The following CTNND2 variants were observed in gnomAD, a reference collection of about 807,000 sequenced individuals.
CTNND2 encodes the protein catenin delta-2.
Under a neutral mutation model 144.4 loss-of-function variants are expected in CTNND2, and 22 were observed. That is an observed-to-expected ratio of 0.15 (90% confidence interval 0.11 to 0.22). CTNND2 has a LOEUF of 0.22. Ranked by LOEUF, CTNND2 falls within the 10% of genes least tolerant of loss-of-function variation. The pLI is 1.00. For missense variants in CTNND2, 1,353 were observed against 1,618.8 expected, an observed-to-expected ratio of 0.84 and a Z score of 2.82; for synonymous variants, 751 against 695.6, an observed-to-expected ratio of 1.08 and a Z score of -1.25.
intron 7 of CTNND2, among the ~76,000 whole-genome samples, chr5:11,373,150 C>G (rs148103153): frequency 6.6e-6 from 1 of 152,222 alleles, no homozygotes; most frequent in Non-Finnish European, 1.5e-5. Context: ...TACAGTTGTC[C>G]GGGCCCCACA....
At chr5:11,505,037 C>T (rs1348760163) in intron 3 of CTNND2, among the ~76,000 whole-genome samples, 1 of 152,092 alleles carries the variant, frequency 6.6e-6, no homozygotes, top group Admixed American at 6.5e-5. Flanking sequence ...AATCTCCTGC[C>T]TGGAGGCTGC....
At chr5:11,164,580 C>T (rs1759112999) in intron 11 of CTNND2, among the ~76,000 whole-genome samples, 1 of 152,144 alleles carries the variant, frequency 6.6e-6, no homozygotes, top group South Asian at 2.1e-4. Flanking sequence ...TAGCTCTAGT[C>T]ACTGTGCTCC....
chr5:11,127,208 G>A (rs1043816670), intron 12 of CTNND2, among the ~76,000 whole-genome samples: 3 of 152,232 alleles, frequency 2.0e-5, no homozygotes, highest in African/African-American at 7.2e-5. Context: ...GGTGGACCAA[G>A]GGCAAATCTT....
At chr5:11,272,884 CA>C (rs2149980488) in intron 9 of CTNND2, among the ~76,000 whole-genome samples, 1 of 152,180 alleles carries the variant, frequency 6.6e-6, no homozygotes, top group South Asian at 2.1e-4. Context: ...GCCCATGGGA[CA>C]AATCTGGACC....
At chr5:11,090,208 C>G (rs1253987216) in intron 15 of CTNND2, among the ~76,000 whole-genome samples, 1 of 152,166 alleles carries the variant, frequency 6.6e-6, no homozygotes. Flanking sequence ...CACCATAGCG[C>G]TGTGATCATG....
At chr5:11,353,349 C>T (rs765519032) in intron 8 of CTNND2, among the ~76,000 whole-genome samples, 3 of 152,204 alleles carry the variant, frequency 2.0e-5, no homozygotes, top group Non-Finnish European at 2.9e-5. Flanking sequence ...ACCCCCTCTC[C>T]TCCACTGTTC....
At chr5:11,318,770 G>A (rs1288735567) in intron 9 of CTNND2, among the ~76,000 whole-genome samples, 3 of 151,782 alleles carry the variant, frequency 2.0e-5, no homozygotes, top group Non-Finnish European at 4.4e-5. Flanking sequence ...ATCCTTCTTC[G>A]GTGGCATTCC....
At chr5:11,678,413 A>C (rs1784273961) in intron 2 of CTNND2, among the ~76,000 whole-genome samples, 1 of 152,134 alleles carries the variant, frequency 6.6e-6, no homozygotes, top group African/African-American at 2.4e-5. Flanking sequence ...TCAAGAGTTA[A>C]AATAAAACTC....
intron 11 of CTNND2, among the ~76,000 whole-genome samples, chr5:11,179,375 A>C (rs1301549510): frequency 6.6e-6 from 1 of 152,208 alleles, no homozygotes; most frequent in Non-Finnish European, 1.5e-5. Flanking sequence ...GCACTGTACT[A>C]TATTCCTAAA....
intron 1 of CTNND2, among the ~76,000 whole-genome samples, chr5:11,792,634 G>C (rs555988245): frequency 2.0e-5 from 3 of 152,354 alleles, no homozygotes; most frequent in Admixed American, 2.0e-4. Flanking sequence ...GAGTGTTCAA[G>C]ATATTATTCA....
intron 2 of CTNND2, among the ~76,000 whole-genome samples, chr5:11,637,508 A>T (rs572832930): frequency 6.6e-6 from 1 of 152,306 alleles, no homozygotes; most frequent in Admixed American, 6.5e-5. Flanking sequence ...TTACTTTTTT[A>T]AATTGCTTAT....
Position 11,385,134 on chromosome 5 carries a change from G to C in CTNND2, c.708C>G (p.Ser236Arg). 2 of 1,007,374 alleles carry C rather than the reference G, an allele frequency of 2.0e-6. No individual in the cohort carries two copies. The highest frequency in any genetic ancestry group is 2.4e-6 in the Non-Finnish European group (2 of 846,896). The allele number at this position is 1,007,374 out of a possible 1,614,324, so 62.4% of individuals were successfully genotyped here. The change falls in exon 7 of 22, where the codon AGC becomes AGG. Residue 236 changes from serine (S) to arginine (R), a missense_variant. By Grantham distance (110) the Ser-to-Arg change is moderately radical. This residue lies in a region of CTNND2 where 708 missense variants were observed against 706.4 expected (regional missense o/e 1.00). Transcript: ENST00000304623. The stretch of plus-strand genomic sequence containing the variant: ...GCGGCGCGTCGGGCAGGTGGAAGGC[G>C]CTGCCCAGGCTGGGCGCGAACGGCT... ...PREPFAPSLG[S>R]AFHLPDAPPA...
intron 2 of CTNND2, among the ~76,000 whole-genome samples, chr5:11,615,498 G>A (rs1046171305): frequency 6.6e-6 from 1 of 152,160 alleles, no homozygotes; most frequent in Non-Finnish European, 1.5e-5. Context: ...AATTAGAAAT[G>A]ATGGAGATAG....
At chr5:11,799,468 T>G (rs958516186) in intron 1 of CTNND2, among the ~76,000 whole-genome samples, 1 of 152,194 alleles carries the variant, frequency 6.6e-6, no homozygotes, top group African/African-American at 2.4e-5. Context: ...GAGATGTGTA[T>G]AGTTTTCAAA....
At chr5:11,647,691 C>A (rs1782432075) in intron 2 of CTNND2, among the ~76,000 whole-genome samples, 1 of 152,094 alleles carries the variant, frequency 6.6e-6, no homozygotes, top group African/African-American at 2.4e-5. Context: ...TGTCTGATAA[C>A]CATTGGCGAC....
chr5:11,829,787 C>T (rs1793798408), intron 1 of CTNND2, among the ~76,000 whole-genome samples: 1 of 152,220 alleles, frequency 6.6e-6, no homozygotes, highest in Non-Finnish European at 1.5e-5. Flanking sequence ...CCACCATCCT[C>T]TAGACCCCAG....
intron 11 of CTNND2, among the ~76,000 whole-genome samples, chr5:11,195,713 T>C (rs996681972): frequency 1.3e-5 from 2 of 152,250 alleles, no homozygotes; most frequent in African/African-American, 4.8e-5. Flanking sequence ...CATTTTATTA[T>C]AATTTGTAAA....
chr5:11,037,637 G>C (rs375282101), intron 16 of CTNND2, among the ~76,000 whole-genome samples: 2 of 152,284 alleles, frequency 1.3e-5, no homozygotes, highest in Middle Eastern at 3.4e-3. Flanking sequence ...TGTGATTACT[G>C]TTCTGATTTG....
intron 3 of CTNND2, among the ~76,000 whole-genome samples, chr5:11,549,107 G>A (rs1388208455): frequency 1.3e-5 from 2 of 152,158 alleles, no homozygotes; most frequent in East Asian, 3.9e-4. Flanking sequence ...TCATGCTTAG[G>A]AGGGTTAGCT....
Sources: allele counts gnomAD v4.1 joint callset (sites outside exome capture counted in the v4.1 genomes callset), GRCh38; gene constraint gnomAD v4.1.1; regional missense constraint gnomAD v4.1.1; transcripts MANE v1.5; gene names NCBI Gene and HGNC (gene_info 2026-07-23, HGNC 2026-07-21).